CLEC16A: variants seen among roughly 807,000 people sequenced by gnomAD.
The protein encoded by CLEC16A is C-type lectin domain containing 16A, also known as protein CLEC16A.
In CLEC16A, 51 loss-of-function variants were observed where a neutral mutation model predicts 109.5. The ratio of observed to expected loss-of-function variants is 0.47; its 90% CI spans 0.37 to 0.59. The LOEUF (loss-of-function observed/expected upper bound fraction) is 0.59, where lower values mean the gene tolerates loss of function less well. Among genes scored for constraint, CLEC16A ranks in the 20% least tolerant of loss-of-function variants. The probability of loss-of-function intolerance (pLI) is 0.00; values close to 1 mark genes in which losing one functional copy is unlikely to be tolerated. For synonymous variants in CLEC16A, 673 were observed against 564.2 expected (o/e 1.19, Z -2.73); for missense variants, 1,339 against 1,394.0 (o/e 0.96, Z 0.63).
intron 22 of CLEC16A, among the ~76,000 whole-genome samples, chr16:11,140,995 G>T (rs192802518): frequency 3.3e-5 from 5 of 152,214 alleles, no homozygotes; most frequent in Non-Finnish European, 7.3e-5. Context: ...TCACGTTATC[G>T]TAGTGTCATA....
chr16:11,054,498 G>A (rs1048428512), intron 18 of CLEC16A, among the ~76,000 whole-genome samples: 1 of 152,194 alleles, frequency 6.6e-6, no homozygotes, highest in Admixed American at 6.5e-5. Context: ...GTGGCTGGCT[G>A]AAGCACAGAT....
Position 10,961,868 on chromosome 16 carries a change from C to A in CLEC16A, c.210-587C>A, listed in dbSNP as rs2042261653. ...GCCAGGTCTTCTGTGGAATGTCCCCCAAAATGGGTTTGTCTCACTTTTCTC... is the reference window on the plus strand; with the variant it reads ...GCCAGGTCTTCTGTGGAATGTCCCCAAAAATGGGTTTGTCTCACTTTTCTC... On this transcript the variant is annotated intron_variant, in intron 2 of 23. Coordinates refer to ENST00000409790, the MANE Select transcript of CLEC16A (RefSeq NM_015226.3). The surrounding 1 kb of genome is among the most constrained non-coding windows in gnomAD (Gnocchi z 4.3). Among the ~76,000 whole-genome samples the A allele has an allele frequency of 6.6e-6, 1 of 152,140 alleles. No individual in the cohort carries two copies. The highest frequency in any genetic ancestry group is 2.4e-5 in the African/African-American group (1 of 41,426).
At chr16:10,959,014 G>GGGGTGT (rs756181813) in intron 2 of CLEC16A, among the ~76,000 whole-genome samples, 3 of 146,294 alleles carry the variant, frequency 2.1e-5, no homozygotes, top group Admixed American at 2.0e-4. Flanking sequence ...ACTAAACACG[G>GGGGTGT]GTGTGTGTGT....
At chr16:11,091,553 T>G (rs1439291186) in intron 19 of CLEC16A, among the ~76,000 whole-genome samples, 3 of 152,314 alleles carry the variant, frequency 2.0e-5, no homozygotes, top group Non-Finnish European at 4.4e-5. Context: ...GGAAGGGCGC[T>G]GGCTCGGAGA....
intron 18 of CLEC16A, chr16:11,056,868 C>A (rs1031339178): frequency 6.6e-6 from 1 of 152,170 alleles, no homozygotes; most frequent in Non-Finnish European, 1.5e-5. Flanking sequence ...TTCATCCCTT[C>A]TTTTTCTTTC....
chr16:11,081,226 G>T (rs1465308854), intron 19 of CLEC16A, among the ~76,000 whole-genome samples: 1 of 152,168 alleles, frequency 6.6e-6, no homozygotes, highest in East Asian at 1.9e-4. Flanking sequence ...TGGGCCCCTG[G>T]GTCTCAGAAA....
rs1462073190 is a variant in CLEC16A at position 10,982,900 on chromosome 16, C to T, written c.980C>T (p.Ala327Val). ...LSQVFLIIHH[A>V]PLVNSLAEVI... ...CAGGTCTTCTTAATTATACATCATG[C>T]ACCGCTGGTGAACTCGTTAGCTGAA... The change falls in exon 10 of 24, where the codon GCA (alanine) becomes GTA (valine). Residue 327 changes from alanine to valine, a missense_variant. Around this residue, in one of 3 missense-constraint regions of CLEC16A, gnomAD observed 1,061 missense variants for 1,006.8 expected, o/e 1.05. Coordinates refer to ENST00000409790, the MANE Select transcript of CLEC16A (RefSeq NM_015226.3). 1 of 1,607,348 alleles carries T rather than the reference C, an allele frequency of 6.2e-7. No individual in the cohort carries two copies. The highest frequency in any genetic ancestry group is 1.1e-5 in the South Asian group (1 of 90,936).
chr16:11,140,055 C>T (rs535298227), intron 22 of CLEC16A, among the ~76,000 whole-genome samples: 2 of 152,356 alleles, frequency 1.3e-5, no homozygotes, highest in Non-Finnish European at 2.9e-5. Flanking sequence ...AGGGTGCCTG[C>T]TTCTTCTACC....
Position 10,978,725 on chromosome 16 carries a change from G to A in CLEC16A, c.904-604G>A, listed in dbSNP as rs548883157. On this transcript the variant is annotated intron_variant, in intron 8 of 23. Coordinates refer to ENST00000409790, the MANE Select transcript of CLEC16A (RefSeq NM_015226.3). The stretch of plus-strand genomic sequence containing the variant: ...CTTAGCTTTACCAGAGGCAGCTCTG[G>A]GAGGCAGAGACAAAGTATGAGAATT... 2.2e-4 allele frequency among the ~76,000 whole-genome samples: 33 copies of A among 152,290 alleles called. No individual in the cohort carries two copies. The South Asian group carries it at 6.4e-3, about 30-fold the overall frequency.
intron 17 of CLEC16A, among the ~76,000 whole-genome samples, chr16:11,049,133 G>A (rs1398214351): frequency 5.3e-5 from 8 of 151,786 alleles, no homozygotes; most frequent in East Asian, 1.9e-4. Flanking sequence ...TCAGCCTCCC[G>A]AGTAGCTGGG....
At chr16:11,079,646 A>G (rs1041557100) in intron 19 of CLEC16A, among the ~76,000 whole-genome samples, 3 of 152,120 alleles carry the variant, frequency 2.0e-5, no homozygotes, top group African/African-American at 7.2e-5. Flanking sequence ...TTTATAATAC[A>G]CTTTGCATTT....
chr16:10,988,934 C>G (rs1057074741), intron 10 of CLEC16A, among the ~76,000 whole-genome samples: 3 of 152,194 alleles, frequency 2.0e-5, no homozygotes, highest in Non-Finnish European at 2.9e-5. Context: ...GACCTTCCAC[C>G]TCCTACCTGG....
At chr16:10,994,589 A>G (rs2044223218) in intron 10 of CLEC16A, among the ~76,000 whole-genome samples, 1 of 152,194 alleles carries the variant, frequency 6.6e-6, no homozygotes, top group South Asian at 2.1e-4. Flanking sequence ...CTGTGGTCCC[A>G]GCTACATGGG....
At position 11,078,627 on chromosome 16, in the gene CLEC16A, C is replaced by T. The variant is rs72771804; in HGVS notation, c.2116+17605C>T. On this transcript the variant is annotated intron_variant, in intron 19 of 23. Transcript: ENST00000409790. The stretch of plus-strand genomic sequence containing the variant: ...GACATTTCTCAATGAGGAGTGGGTC[C>T]GGCACAGCCAGTCTGAACTGCAGGG... 8.8e-3 allele frequency among the ~76,000 whole-genome samples: 1,336 copies of T among 152,250 alleles called. 9 individuals are homozygous for T. Among genetic ancestry groups the T allele is most frequent in the South Asian group, 0.04 (192 of 4,818 alleles).
intron 19 of CLEC16A, among the ~76,000 whole-genome samples, chr16:11,091,092 G>A (rs1430271821): frequency 6.6e-6 from 1 of 152,146 alleles, no homozygotes; most frequent in Non-Finnish European, 1.5e-5. Context: ...GAGCCACCAA[G>A]CCTAGCCAGG....
chr16:10,984,311 C>G (rs1268835564), intron 10 of CLEC16A, among the ~76,000 whole-genome samples: 1 of 152,214 alleles, frequency 6.6e-6, no homozygotes, highest in Non-Finnish European at 1.5e-5. Context: ...TTCCCAGAAA[C>G]TCTGTCCTTG....
intron 1 of CLEC16A, among the ~76,000 whole-genome samples, 191 bp from the exon 2 acceptor site, chr16:10,957,591 G>A (rs2042049872): frequency 6.6e-6 from 1 of 152,184 alleles, no homozygotes; most frequent in Non-Finnish European, 1.5e-5. Flanking sequence ...TGTGTCCTTG[G>A]TTTAACCCTT....
intron 10 of CLEC16A, among the ~76,000 whole-genome samples, chr16:10,990,338 T>C (rs1030608619): frequency 3.3e-5 from 5 of 152,132 alleles, no homozygotes; most frequent in Non-Finnish European, 5.9e-5. Context: ...AAATCCAGAG[T>C]GCAACATGAG....
At chr16:11,118,459 C>G (rs9937173) in intron 19 of CLEC16A, among the ~76,000 whole-genome samples, 106,785 of 152,116 alleles carry the variant, frequency 0.7, 38,850 homozygotes, top group African/African-American at 0.89. Flanking sequence ...ACAACATCCA[C>G]TGCAGGGCTT....
Sources: allele counts gnomAD v4.1 joint callset (sites outside exome capture counted in the v4.1 genomes callset), GRCh38; gene constraint gnomAD v4.1.1; regional missense constraint gnomAD v4.1.1; non-coding constraint Gnocchi (gnomAD v3.1); transcripts MANE v1.5; gene names NCBI Gene and HGNC (gene_info 2026-07-23, HGNC 2026-07-21).